Variants in KCNH5 observed in about 807,000 individuals in gnomAD.
The protein encoded by KCNH5 is voltage-gated delayed rectifier potassium channel KCNH5.
A neutral mutation model predicts 96.1 loss-of-function variants in KCNH5; 46 were observed. That is an observed-to-expected ratio of 0.48 (90% CI 0.38 to 0.61). The LOEUF (loss-of-function observed/expected upper bound fraction) is 0.61. Among genes scored for constraint, KCNH5 ranks in the 20% least tolerant of loss-of-function variants. The probability of loss-of-function intolerance (pLI) is 0.00; values close to 1 mark genes in which losing one functional copy is unlikely to be tolerated. For synonymous variants in KCNH5, 439 were observed against 449.8 expected, an observed-to-expected ratio of 0.98 and a Z score of 0.30; for missense variants, 907 against 1,225.8, an observed-to-expected ratio of 0.74 and a Z score of 3.88.
chr14:62,810,499 A>C (rs1262773735), intron 8 of KCNH5, among the ~76,000 whole-genome samples: 2 of 152,142 alleles, frequency 1.3e-5, no homozygotes, highest in Non-Finnish European at 2.9e-5. Flanking sequence ...GGATAAGATA[A>C]GAGGTTGGCA....
chr14:62,879,833 T>A (rs1259855212), intron 7 of KCNH5, among the ~76,000 whole-genome samples: 1 of 152,170 alleles, frequency 6.6e-6, no homozygotes, highest in Non-Finnish European at 1.5e-5. Flanking sequence ...TTTTTATAGT[T>A]GTGCATTATG....
At chr14:62,731,691 C>T (rs56898028) in intron 10 of KCNH5, among the ~76,000 whole-genome samples, 12,008 of 152,220 alleles carry the variant, frequency 0.079, 727 homozygotes, top group East Asian at 0.29. Flanking sequence ...AGAATGCCAC[C>T]ATTGCCACAG....
At chr14:62,815,728 C>T (rs895600098) in intron 8 of KCNH5, among the ~76,000 whole-genome samples, 1 of 151,858 alleles carries the variant, frequency 6.6e-6, no homozygotes, top group Non-Finnish European at 1.5e-5. Flanking sequence ...ATACATGAAA[C>T]AGAAATTAGA....
At chr14:62,814,598 C>A (rs904039350) in intron 8 of KCNH5, among the ~76,000 whole-genome samples, 1 of 151,686 alleles carries the variant, frequency 6.6e-6, no homozygotes, top group African/African-American at 2.4e-5. Context: ...GCCTGGCCAA[C>A]ATGGCAAAAC....
chr14:63,025,835 G>C (rs1891514134), intron 1 of KCNH5, among the ~76,000 whole-genome samples: 1 of 148,882 alleles, frequency 6.7e-6, no homozygotes, highest in Admixed American at 6.7e-5. Context: ...AAACCCCAAA[G>C]ACATGTTTCA....
At chr14:62,734,106 G>A (rs765760285) in intron 10 of KCNH5, among the ~76,000 whole-genome samples, 33 of 151,844 alleles carry the variant, frequency 2.2e-4, no homozygotes, top group Non-Finnish European at 4.6e-4. Flanking sequence ...TTTCCCTCTT[G>A]GCCAATGGCT....
chr14:62,719,496 G>C (rs192921770), intron 10 of KCNH5, among the ~76,000 whole-genome samples: 1 of 152,228 alleles, frequency 6.6e-6, no homozygotes, highest in East Asian at 1.9e-4. Context: ...TGAACGATTC[G>C]TGAATTGGGC....
At chr14:62,942,712 C>G (rs1566716305) in intron 7 of KCNH5, among the ~76,000 whole-genome samples, 1 of 152,160 alleles carries the variant, frequency 6.6e-6, no homozygotes, top group Non-Finnish European at 1.5e-5. Flanking sequence ...TAGTCAATTA[C>G]AGAAAGTTTT....
intron 7 of KCNH5, among the ~76,000 whole-genome samples, chr14:62,872,089 A>G (rs1383778184): frequency 6.6e-6 from 1 of 152,210 alleles, no homozygotes; most frequent in Non-Finnish European, 1.5e-5. Flanking sequence ...CAGCTTATTG[A>G]AAAGAAAAAA....
At chr14:62,828,873 G>A (rs574421750) in intron 8 of KCNH5, among the ~76,000 whole-genome samples, 9 of 152,052 alleles carry the variant, frequency 5.9e-5, no homozygotes, top group Non-Finnish European at 1.2e-4. Context: ...TCTCATCTTA[G>A]ACAAGGCAAG....
chr14:62,781,435 A>C (rs1886210937), intron 9 of KCNH5, among the ~76,000 whole-genome samples: 1 of 152,142 alleles, frequency 6.6e-6, no homozygotes, highest in South Asian at 2.1e-4. Flanking sequence ...TCTGACCAAA[A>C]TTTACTAGGC....
chr14:62,830,671 C>T (rs537253941), intron 8 of KCNH5, among the ~76,000 whole-genome samples: 77 of 152,228 alleles, frequency 5.1e-4, no homozygotes, highest in African/African-American at 1.7e-3. Context: ...CAGCAGATCC[C>T]TCCCTAAGAT....
intron 7 of KCNH5, among the ~76,000 whole-genome samples, chr14:62,865,800 A>C (rs1248118552): frequency 6.6e-6 from 1 of 152,212 alleles, no homozygotes; most frequent in East Asian, 1.9e-4. Context: ...TACCTTGTGC[A>C]TTGCTTAGAG....
chr14:62,863,531 T>C (rs954607170), intron 7 of KCNH5, among the ~76,000 whole-genome samples: 3 of 152,156 alleles, frequency 2.0e-5, no homozygotes, highest in African/African-American at 4.8e-5. Flanking sequence ...TTATAAGCCA[T>C]AGTATATAAA....
intron 6 of KCNH5, among the ~76,000 whole-genome samples, chr14:62,965,813 C>T (rs374417448): frequency 1.3e-5 from 2 of 152,082 alleles, no homozygotes; most frequent in African/African-American, 4.8e-5. Context: ...AAAATAATTA[C>T]TTTCTTTGCC....
In KCNH5 at chr14:62,966,713, T is replaced by C. The variant is rs555170708; in HGVS notation, c.942+14159A>G. 7.2e-5 allele frequency among the ~76,000 whole-genome samples: 11 copies of C among 152,292 alleles called. No homozygotes were observed. In the South Asian group the frequency reaches 1.0e-3, roughly 14 times the overall value. On this transcript the variant is annotated intron_variant, in intron 6 of 10. Coordinates refer to ENST00000322893, the MANE Select transcript of KCNH5 (RefSeq NM_139318.5). ...TATTAACTCTTTAGTGAAAAGTATC[T>C]GCAGACAGTTTATGTCCTAAGATTC...
chr14:62,906,271 T>C (rs1889025516), intron 7 of KCNH5, among the ~76,000 whole-genome samples: 1 of 152,044 alleles, frequency 6.6e-6, no homozygotes, highest in Non-Finnish European at 1.5e-5. Flanking sequence ...GAGTCACAAA[T>C]ATAGTATGTC....
chr14:62,838,319 T>C (rs955783985), intron 8 of KCNH5, among the ~76,000 whole-genome samples: 1 of 152,158 alleles, frequency 6.6e-6, no homozygotes, highest in African/African-American at 2.4e-5. Flanking sequence ...CTACCTCTGA[T>C]TCATACTCAC....
intron 7 of KCNH5, among the ~76,000 whole-genome samples, chr14:62,855,920 C>A (rs1369555686): frequency 6.6e-6 from 1 of 151,996 alleles, no homozygotes; most frequent in Non-Finnish European, 1.5e-5. Flanking sequence ...TCTGGGAACA[C>A]AATGATAAAA....
Sources: allele counts gnomAD v4.1 joint callset (sites outside exome capture counted in the v4.1 genomes callset), GRCh38; gene constraint gnomAD v4.1.1; transcripts MANE v1.5; gene names NCBI Gene and HGNC (gene_info 2026-07-23, HGNC 2026-07-21).